Variants in CTCF observed in about 807,000 individuals in gnomAD.
CTCF encodes CCCTC-binding factor.
CTCF carries 7 observed loss-of-function variants against 72.3 expected under a neutral mutation model. The ratio of observed to expected loss-of-function variants is 0.10; its 90% CI spans 0.06 to 0.18. The LOEUF (loss-of-function observed/expected upper bound fraction) is 0.18. Ranked by LOEUF, CTCF falls within the 10% of genes least tolerant of loss-of-function variation. The probability of loss-of-function intolerance (pLI) is 1.00; values close to 1 mark genes in which losing one functional copy is unlikely to be tolerated. For synonymous variants in CTCF, 374 were observed against 315.8 expected (o/e 1.18, Z -1.95); for missense variants, 516 against 949.1 (o/e 0.54, Z 6.00).
At chr16:67,633,330 T>C (rs1332593529) in intron 10 of CTCF, among the ~76,000 whole-genome samples, 1 of 152,186 alleles carries the variant, frequency 6.6e-6, no homozygotes, top group Non-Finnish European at 1.5e-5. Context: ...GCTGGTCAGA[T>C]GTCCCAGGTC....
chr16:67,575,646 T>G (rs1040536833), intron 2 of CTCF, among the ~76,000 whole-genome samples: 2 of 152,054 alleles, frequency 1.3e-5, no homozygotes, highest in Non-Finnish European at 2.9e-5. Flanking sequence ...TTTCACCATA[T>G]TGGCTGGGCT....
chr16:67,632,125 T>TCAGAAA (rs2052374179), intron 10 of CTCF, among the ~76,000 whole-genome samples: 1 of 151,554 alleles, frequency 6.6e-6, no homozygotes. Context: ...GTTGGGGGTT[T>TCAGAAA]TCAGAAATGT....
chr16:67,599,287 C>G (rs1412155105), intron 2 of CTCF, among the ~76,000 whole-genome samples: 1 of 152,142 alleles, frequency 6.6e-6, no homozygotes, highest in Non-Finnish European at 1.5e-5. Context: ...CCCAGCTGCT[C>G]AGGAGGCTGA....
chr16:67,563,688 C>A (rs1180395740), intron 1 of CTCF: 1 of 152,234 alleles, frequency 6.6e-6, no homozygotes, highest in Non-Finnish European at 1.5e-5. Flanking sequence ...TCAGAGATCT[C>A]AAAGGGACTG....
intron 2 of CTCF, among the ~76,000 whole-genome samples, chr16:67,584,984 A>G (rs2142751346): frequency 6.6e-6 from 1 of 152,328 alleles, no homozygotes; most frequent in East Asian, 1.9e-4. Context: ...GTATGTCTAG[A>G]AAAACAATGT....
intron 10 of CTCF, 136 bp downstream of exon 10, chr16:67,629,669 G>A (rs975927241): frequency 3.7e-5 from 25 of 671,404 alleles, no homozygotes; most frequent in South Asian, 1.1e-4. Context: ...ATCTCCTAAC[G>A]TCTATTTACA....
At chr16:67,609,366 A>G (rs1263056896) in intron 2 of CTCF, among the ~76,000 whole-genome samples, 1 of 152,152 alleles carries the variant, frequency 6.6e-6, no homozygotes, top group Non-Finnish European at 1.5e-5. Context: ...CACTGAAATT[A>G]TATGTCCTTT....
chr16:67,611,199 A>G lies in CTCF; in HGVS notation c.367A>G (p.Thr123Ala). Residue 123 changes from threonine to alanine, a missense_variant, in exon 3 of 12, where the codon ACT becomes GCT. Physicochemically the swap from Thr to Ala is moderately conservative, Grantham distance 58 (BLOSUM62 0). Around this residue, in one of 7 missense-constraint regions of CTCF, gnomAD observed 148 missense variants for 194.9 expected, o/e 0.76. Transcript: ENST00000264010. Reference protein sequence around the residue: ...LQLVQVPVPVTVPVATTSVEE... With the variant: ...LQLVQVPVPVAVPVATTSVEE... Reference sequence around the variant, plus strand: ...GCTTGTTCAAGTACCTGTTCCTGTGACTGTACCTGTTGCTACCACTTCAGT... The same window carrying G: ...GCTTGTTCAAGTACCTGTTCCTGTGGCTGTACCTGTTGCTACCACTTCAGT... The G allele has an allele frequency of 6.2e-7, 1 of 1,614,196 alleles. No homozygotes were observed. Among genetic ancestry groups the G allele is most frequent in the Non-Finnish European group, 8.5e-7 (1 of 1,180,030 alleles).
At chr16:67,589,001 A>C (rs1242254894) in intron 2 of CTCF, among the ~76,000 whole-genome samples, 1 of 151,986 alleles carries the variant, frequency 6.6e-6, no homozygotes, top group Non-Finnish European at 1.5e-5. Flanking sequence ...TCAAAATAAT[A>C]AATTTGAGGC....
At chr16:67,603,482 G>A (rs1340045660) in intron 2 of CTCF, among the ~76,000 whole-genome samples, 1 of 151,188 alleles carries the variant, frequency 6.6e-6, no homozygotes, top group African/African-American at 2.4e-5. Flanking sequence ...GCAGTGAGCC[G>A]AGATCAAGTC....
chr16:67,582,258 T>C (rs2051594008), intron 2 of CTCF, among the ~76,000 whole-genome samples: 1 of 152,028 alleles, frequency 6.6e-6, no homozygotes, highest in Admixed American at 6.6e-5. Flanking sequence ...GTAGGAACTT[T>C]GTTGTTGGAT....
At chr16:67,631,116 C>G (rs2052355698) in intron 10 of CTCF, among the ~76,000 whole-genome samples, 1 of 146,204 alleles carries the variant, frequency 6.8e-6, no homozygotes, top group South Asian at 2.1e-4. Flanking sequence ...TATTGGAGAA[C>G]TTTAGTGACT....
chr16:67,595,886 A>G (rs987113301), intron 2 of CTCF, among the ~76,000 whole-genome samples: 19 of 152,212 alleles, frequency 1.2e-4, no homozygotes, highest in African/African-American at 3.9e-4. Flanking sequence ...TACCTTCAGT[A>G]GAATTGTGCT....
At chr16:67,630,896 G>T (rs1367414771) in intron 10 of CTCF, among the ~76,000 whole-genome samples, 1 of 152,134 alleles carries the variant, frequency 6.6e-6, no homozygotes, top group Non-Finnish European at 1.5e-5. Context: ...TGGCATCCAG[G>T]TGGGAAGGCA....
Position 67,639,177 on chromosome 16 carries a change from C to T in CTCF, c.*1305C>T. The stretch of plus-strand genomic sequence containing the variant: ...ATAAATCATAACGGATTAACAAGTG[C>T]TCCAAAGACTCCATCTTGCGTGATT... On this transcript the variant is annotated 3_prime_UTR_variant, in exon 12 of 12. Transcript: ENST00000264010. The T allele has an allele frequency of 5.4e-6, 1 of 186,156 alleles. No homozygotes were observed. The highest frequency in any genetic ancestry group is 1.1e-5 in the Non-Finnish European group (1 of 87,742). The allele number at this position is 186,156 out of a possible 1,614,324, so 11.5% of individuals were successfully genotyped here.
chr16:67,587,045 TGCCTG>T (rs975047852), intron 2 of CTCF, among the ~76,000 whole-genome samples: 2 of 151,816 alleles, frequency 1.3e-5, no homozygotes, highest in African/African-American at 4.8e-5. Flanking sequence ...TGAGCCACTG[TGCCTG>T]GCCTGCTACT....
At chr16:67,576,606 T>C (rs1202833046) in intron 2 of CTCF, among the ~76,000 whole-genome samples, 4 of 142,182 alleles carry the variant, frequency 2.8e-5, no homozygotes, top group Non-Finnish European at 6.0e-5. Context: ...TAGGCTGGAG[T>C]GCAGTGGCAC....
chr16:67,595,744 C>T (rs1042450099), intron 2 of CTCF, among the ~76,000 whole-genome samples: 4 of 152,248 alleles, frequency 2.6e-5, no homozygotes, highest in Admixed American at 1.3e-4. Context: ...TTGGGATGCA[C>T]GTCTCTGACT....
chr16:67,632,092 GA>G (rs959988632), intron 10 of CTCF, among the ~76,000 whole-genome samples: 2 of 139,692 alleles, frequency 1.4e-5, no homozygotes, highest in South Asian at 4.5e-4. Context: ...AAAAAAAAGG[GA>G]AAAAAATTAT....
Sources: gnomAD v4.1 joint callset for allele counts (sites outside exome capture counted in the v4.1 genomes callset) on GRCh38, gnomAD v4.1.1 for gene constraint, gnomAD v4.1.1 regional missense constraint, MANE v1.5 for transcripts, NCBI Gene and HGNC (gene_info 2026-07-23, HGNC 2026-07-21) for gene names.